Variants in CEP68 observed in about 807,000 individuals in gnomAD.
CEP68 encodes the protein centrosomal protein 68.
Under a neutral mutation model 55.3 loss-of-function variants are expected in CEP68, and 26 were observed. The observed-to-expected ratio is 0.47, with a 90% CI of 0.34 to 0.65. The LOEUF is 0.65. Among genes scored for constraint, CEP68 ranks in the 30% least tolerant of loss-of-function variants. The pLI is 0.01. For missense variants in CEP68, 957 were observed against 946.7 expected (o/e 1.01, Z -0.14); for synonymous variants, 402 against 383.2 (o/e 1.05, Z -0.57).
Position 65,072,010 on chromosome 2 carries a change from A to G in CEP68, c.914A>G (p.Tyr305Cys), listed in dbSNP as rs1159174603. Residue 305 changes from tyrosine (Y) to cysteine (C), a missense_variant, in exon 3 of 7, where the codon TAT becomes TGT. Transcript: ENST00000377990. ...AAAGAGTATGAAGATCTGCTTGACT[A>G]TACTTACCCACTGAGGCCCGGGCCT... is the stretch of plus-strand genomic sequence containing the variant. Reference protein sequence around the residue: ...PNKEYEDLLDYTYPLRPGPQL... With the variant: ...PNKEYEDLLDCTYPLRPGPQL... 8.1e-6 allele frequency: 13 copies of G among 1,612,872 alleles called. No homozygotes were observed. The highest frequency in any genetic ancestry group is 2.7e-5 in the African/African-American group (2 of 74,760).
rs1039694741 is a variant in CEP68, at chr2:65,071,834, C to T, written c.738C>T (p.Pro246=). 6.2e-7 allele frequency: 1 copy of T among 1,603,136 alleles called. No homozygotes were observed. Residue 246 remains proline, a synonymous_variant, in exon 3 of 7, where the codon CCC becomes CCT. Coordinates refer to ENST00000377990, the MANE Select transcript of CEP68 (RefSeq NM_015147.3). ...PSSVVGLGPR[P]QWSPQPVFSG... ...CTGTGGTGGGGCTAGGACCTCGGCC[C>T]CAGTGGTCACCACAGCCTGTGTTCT...
At chr2:65,067,304 C>T (rs566826250) in intron 1 of CEP68, among the ~76,000 whole-genome samples, 3 of 151,494 alleles carry the variant, frequency 2.0e-5, no homozygotes, top group East Asian at 2.0e-4. Context: ...CGCTTGAACC[C>T]GGGAGGTGGA....
intron 1 of CEP68, among the ~76,000 whole-genome samples, chr2:65,059,688 C>T (rs933444622): frequency 1.3e-5 from 2 of 152,182 alleles, no homozygotes; most frequent in Admixed American, 6.5e-5. Flanking sequence ...TGTTCCTTCT[C>T]AGGGTGCTGA....
At chr2:65,067,251 A>G (rs1164328298) in intron 1 of CEP68, among the ~76,000 whole-genome samples, 1 of 151,948 alleles carries the variant, frequency 6.6e-6, no homozygotes, top group Non-Finnish European at 1.5e-5. Context: ...ATGGTGGCGC[A>G]CGCCTGTAGT....
chr2:65,071,895 C>G lies in CEP68; in HGVS notation c.799C>G (p.Leu267Val). 1 of 1,612,658 alleles carries G rather than the reference C, an allele frequency of 6.2e-7. No homozygotes were observed. The change falls in exon 3 of 7, where the codon CTC becomes GTC. Residue 267 changes from leucine (L) to valine (V), a missense_variant. By Grantham distance (32) the Leu-to-Val change is conservative (BLOSUM62 1). Coordinates refer to ENST00000377990, the MANE Select transcript of CEP68 (RefSeq NM_015147.3). ...TGCTTCTGGGCTAGGCAGGAGACGCCTCTCCTTCCAGGCTGAGTACTGGGC... is the reference window on the plus strand; with the variant it reads ...TGCTTCTGGGCTAGGCAGGAGACGCGTCTCCTTCCAGGCTGAGTACTGGGC... ...GDASGLGRRR[L>V]SFQAEYWACV...
intron 2 of CEP68, 146 bp downstream of exon 2, chr2:65,069,947 G>A (rs976365137): frequency 5.9e-5 from 47 of 796,940 alleles, no homozygotes; most frequent in East Asian, 1.7e-4. Flanking sequence ...TCTGTTTTGC[G>A]GGTTCAGCTA....
intron 3 of CEP68, 162 bp downstream of exon 3, chr2:65,073,142 G>T (rs1178952672): frequency 9.8e-6 from 8 of 818,480 alleles, no homozygotes; most frequent in Non-Finnish European, 1.7e-5. Flanking sequence ...CTTTTACCAG[G>T]TAAGCACTGT....
intron 3 of CEP68, 96 bp downstream of exon 3, chr2:65,073,076 G>A (rs1676577985): frequency 7.2e-7 from 1 of 1,395,290 alleles, no homozygotes; most frequent in East Asian, 2.3e-5. Context: ...ATGTTGACCA[G>A]GCACTTTTTA....
At chr2:65,080,297 G>T in intron 5 of CEP68, 4 of 985,208 alleles carry the variant, frequency 4.1e-6, no homozygotes, top group Non-Finnish European at 4.8e-6. Flanking sequence ...GGCTCTTTCA[G>T]ATTGACACAC....
Position 65,084,963 on chromosome 2 carries a change from A to G in CEP68, c.*1329A>G, listed in dbSNP as rs1318137624. ...TAAAAGGGAAAAACCACTCTAGCAA[A>G]TAATTGTCAATTATAAACCTGTATG... On this transcript the variant is annotated 3_prime_UTR_variant, in exon 7 of 7. Transcript: ENST00000377990. The G allele has an allele frequency of 6.6e-6, 1 of 152,234 alleles. No individual in the cohort carries two copies. The highest frequency in any genetic ancestry group is 1.5e-5 in the Non-Finnish European group (1 of 68,046). The allele number at this position is 152,234 out of a possible 1,614,324, so 9.4% of individuals were successfully genotyped here. A position where few individuals can be genotyped will look rare whatever the true frequency, so the allele number is the denominator to read the frequency against.
rs889665421 is a variant in CEP68, at chr2:65,086,257, AGATTT to A, written c.*2624_*2628del. The A allele has an allele frequency of 1.3e-5, 2 of 152,232 alleles. No individual in the cohort carries two copies. The highest frequency in any genetic ancestry group is 2.9e-5 in the Non-Finnish European group (2 of 68,048). The allele number at this position is 152,232 out of a possible 1,614,324, so 9.4% of individuals were successfully genotyped here. A position where few individuals can be genotyped will look rare whatever the true frequency, so the allele number is the denominator to read the frequency against. On this transcript the variant is annotated 3_prime_UTR_variant, in exon 7 of 7. Coordinates refer to ENST00000377990, the MANE Select transcript of CEP68 (RefSeq NM_015147.3). Reference sequence around the variant, plus strand: ...GATTTCACAGAGTGTGCAGCTGCTTAGATTTAAGAACACTCTTCTTCACTATGTAA... The same window carrying A: ...GATTTCACAGAGTGTGCAGCTGCTTAAAGAACACTCTTCTTCACTATGTAA...
intron 5 of CEP68, among the ~76,000 whole-genome samples, chr2:65,078,435 G>A (rs562001627): frequency 6.6e-6 from 1 of 152,316 alleles, no homozygotes; most frequent in South Asian, 2.1e-4. Context: ...TTGCTCAAAA[G>A]TATCTGAGGA....
intron 5 of CEP68, chr2:65,080,424 C>T (rs1676957494): frequency 1.0e-6 from 1 of 985,294 alleles, no homozygotes; most frequent in Non-Finnish European, 1.2e-6. Flanking sequence ...CAGGAGCATG[C>T]TGTCAAAAGT....
chr2:65,079,156 G>A (rs547873676), intron 5 of CEP68, among the ~76,000 whole-genome samples: 1 of 152,340 alleles, frequency 6.6e-6, no homozygotes, highest in South Asian at 2.1e-4. Context: ...CCGAAGCAAA[G>A]CTGGGCAGGT....
intron 5 of CEP68, chr2:65,080,659 A>G: frequency 1.8e-6 from 1 of 545,246 alleles, no homozygotes; most frequent in Non-Finnish European, 2.3e-6. Context: ...CTCTACTAAA[A>G]GTAAAAAAAT....
At chr2:65,065,347 A>G (rs1422521839) in intron 1 of CEP68, among the ~76,000 whole-genome samples, 2 of 152,234 alleles carry the variant, frequency 1.3e-5, no homozygotes, top group Non-Finnish European at 2.9e-5. Flanking sequence ...AATGTCCACT[A>G]ATAAGGGACT....
rs1668888249 is a variant in CEP68, at chr2:65,082,660, C to T, written c.2229C>T (p.Asp743=). ...DMLAGCTLIP[D]KKPMAAMEHP... ...TGGCTGGCTGCACCCTTATCCCTGACAAAAAGCCCATGGCGGCAATGGAGC... is the reference window on the plus strand; with the variant it reads ...TGGCTGGCTGCACCCTTATCCCTGATAAAAAGCCCATGGCGGCAATGGAGC... The change falls in exon 6 of 7, where the codon GAC becomes GAT. Residue 743 remains aspartate (D), a synonymous_variant. Coordinates refer to ENST00000377990, the MANE Select transcript of CEP68 (RefSeq NM_015147.3). 1 of 1,609,038 alleles carries T rather than the reference C, an allele frequency of 6.2e-7. No homozygotes were observed. The highest frequency in any genetic ancestry group is 1.7e-5 in the Admixed American group (1 of 58,838).
Position 65,065,912 on chromosome 2 carries a change from C to T in CEP68, c.-46-3487C>T, listed in dbSNP as rs993009517. Among the ~76,000 whole-genome samples, 8 of 150,734 alleles carry T rather than the reference C, an allele frequency of 5.3e-5. No homozygotes were observed. The East Asian group carries it at 7.8e-4, about 15-fold the overall frequency. On this transcript the variant is annotated intron_variant, in intron 1 of 6. Coordinates refer to ENST00000377990, the MANE Select transcript of CEP68 (RefSeq NM_015147.3). ...CGGAGGTTGCAGTGAGCCAAGATCA[C>T]GCCACTGCACTCCAGCCTAGGTGAC...
At chr2:65,066,224 C>T (rs540463006) in intron 1 of CEP68, among the ~76,000 whole-genome samples, 17 of 152,298 alleles carry the variant, frequency 1.1e-4, no homozygotes, top group African/African-American at 3.1e-4. Flanking sequence ...TCCAGGCAGA[C>T]ATGGGGAGAA....
Sources: gnomAD v4.1 joint callset for allele counts (sites outside exome capture counted in the v4.1 genomes callset) on GRCh38, gnomAD v4.1.1 for gene constraint, MANE v1.5 for transcripts, NCBI Gene and HGNC (gene_info 2026-07-23, HGNC 2026-07-21) for gene names.